The following PSME4 variants were observed in gnomAD, a reference collection of about 807,000 sequenced individuals.
PSME4 encodes proteasome activator subunit 4, also known as proteasome activator complex subunit 4.
A neutral mutation model predicts 253.9 loss-of-function variants in PSME4; 89 were observed. The ratio of observed to expected loss-of-function variants is 0.35; its 90% CI spans 0.30 to 0.42. PSME4 has a LOEUF of 0.42. Ranked by LOEUF, PSME4 falls within the 10% of genes least tolerant of loss-of-function variation. The pLI, the probability that PSME4 is intolerant of heterozygous loss-of-function variation, is 1.00. For missense variants in PSME4, 2,014 were observed against 2,195.2 expected (o/e 0.92, Z 1.65); for synonymous variants, 851 against 759.2 (o/e 1.12, Z -1.99).
rs1338062052 is a variant in PSME4, at chr2:53,864,997, G to C, written c.*581C>G. 6.6e-6 allele frequency: 1 copy of C among 152,592 alleles called. No individual in the cohort carries two copies. Among genetic ancestry groups the C allele is most frequent in the African/African-American group, 2.4e-5 (1 of 41,446 alleles). The allele number at this position is 152,592 out of a possible 1,614,324, so 9.5% of individuals were successfully genotyped here. ...CCAAAAACTCCAGTCTGTGGGAAGTGCACAGACACAGACTTCACTTCTGTG... is the reference window on the plus strand; with the variant it reads ...CCAAAAACTCCAGTCTGTGGGAAGTCCACAGACACAGACTTCACTTCTGTG... On this transcript the variant is annotated 3_prime_UTR_variant, in exon 47 of 47. Coordinates refer to ENST00000404125, the MANE Select transcript of PSME4 (RefSeq NM_014614.3).
At chr2:53,888,426 G>T (rs1181881889) in intron 38 of PSME4, 5 of 298,842 alleles carry the variant, frequency 1.7e-5, no homozygotes, top group African/African-American at 1.1e-4. Context: ...AAAATAAGAT[G>T]TGATGAAGAC....
At position 53,892,808 on chromosome 2, in the gene PSME4, C is replaced by T. The variant is rs760440011; in HGVS notation, c.4191G>A (p.Lys1397=). ...TTCTGTACAAATATTAATACATCAC[C>T]TTTTCAAATGTCCAGTGCTTAGAAC... ...IRGSKHWTFE[K]VEKLWELLCP... Residue 1397 remains lysine, a splice_region_variant and synonymous_variant, in exon 36 of 47, where the codon AAG becomes AAA. Transcript: ENST00000404125. 3.7e-6 allele frequency: 6 copies of T among 1,608,506 alleles called. No individual in the cohort carries two copies. In the Admixed American group the frequency reaches 6.8e-5, roughly 18 times the overall value.
chr2:53,891,274 C>A (rs1679893310), intron 36 of PSME4, among the ~76,000 whole-genome samples: 1 of 152,152 alleles, frequency 6.6e-6, no homozygotes, highest in Non-Finnish European at 1.5e-5. Flanking sequence ...ACTGCATTTA[C>A]ACACATAGAT....
chr2:53,954,849 T>A (rs1203495744), intron 1 of PSME4, among the ~76,000 whole-genome samples: 3 of 149,844 alleles, frequency 2.0e-5, no homozygotes, highest in African/African-American at 7.4e-5. Flanking sequence ...AAAAAAAAAA[T>A]AACAATAATA....
At chr2:53,965,515 G>A (rs1299985992) in intron 1 of PSME4, among the ~76,000 whole-genome samples, 2 of 149,214 alleles carry the variant, frequency 1.3e-5, no homozygotes, top group Admixed American at 6.7e-5. Flanking sequence ...CACACCCAGC[G>A]CATCCAAGTG....
intron 27 of PSME4, among the ~76,000 whole-genome samples, chr2:53,902,335 T>C (rs1307677127): frequency 6.6e-6 from 1 of 152,180 alleles, no homozygotes; most frequent in Non-Finnish European, 1.5e-5. Context: ...AAAAGTCCAA[T>C]TAACCACAAT....
chr2:53,878,193 T>A (rs374770466), intron 41 of PSME4, among the ~76,000 whole-genome samples: 4 of 152,210 alleles, frequency 2.6e-5, no homozygotes, highest in African/African-American at 9.7e-5. Context: ...CCCAAATTAA[T>A]ACTTTTATAA....
chr2:53,958,058 C>T (rs949230448), intron 1 of PSME4, among the ~76,000 whole-genome samples: 6 of 151,906 alleles, frequency 3.9e-5, no homozygotes, highest in East Asian at 3.9e-4. Context: ...TGGTGGCACA[C>T]GCCTGTAGTC....
chr2:53,934,504 A>G, intron 8 of PSME4, 101 bp downstream of exon 8: 1 of 1,231,902 alleles, frequency 8.1e-7, no homozygotes, highest in South Asian at 1.7e-5. Context: ...CAAGTCACCA[A>G]CCAAGCCACT....
intron 9 of PSME4, 140 bp from the exon 10 acceptor site, chr2:53,932,240 C>CTTTTA: frequency 1.4e-6 from 1 of 701,424 alleles, no homozygotes; most frequent in Non-Finnish European, 2.3e-6. Flanking sequence ...CACAGCATAA[C>CTTTTA]TAGATAGAAT....
At chr2:53,903,885 T>C in intron 27 of PSME4, 140 bp downstream of exon 27, 1 of 659,302 alleles carries the variant, frequency 1.5e-6, no homozygotes, top group Non-Finnish European at 2.5e-6. Context: ...AAAGAACAGA[T>C]ATGCGATAAA....
Position 53,865,150 on chromosome 2 carries a change from C to G in PSME4, c.*428G>C, listed in dbSNP as rs535286607. 9.2e-5 allele frequency: 14 copies of G among 152,746 alleles called. No individual in the cohort carries two copies. Among genetic ancestry groups the G allele is most frequent in the African/African-American group, 3.1e-4 (13 of 41,554 alleles). The allele number at this position is 152,746 out of a possible 1,614,324, so 9.5% of individuals were successfully genotyped here. ...ATTTATGGCCCACAGCCCCTATTACCACCTAAATCCAGCAGCCATTTGGGA... is the reference window on the plus strand; with the variant it reads ...ATTTATGGCCCACAGCCCCTATTACGACCTAAATCCAGCAGCCATTTGGGA... On this transcript the variant is annotated 3_prime_UTR_variant, in exon 47 of 47. Coordinates refer to ENST00000404125, the MANE Select transcript of PSME4 (RefSeq NM_014614.3).
intron 35 of PSME4, among the ~76,000 whole-genome samples, 200 bp from the exon 36 acceptor site, chr2:53,893,160 A>G (rs1253485002): frequency 6.6e-6 from 1 of 152,202 alleles, no homozygotes; most frequent in Non-Finnish European, 1.5e-5. Context: ...TAACCAATGA[A>G]ACAAACATTA....
intron 1 of PSME4, among the ~76,000 whole-genome samples, chr2:53,967,447 G>C (rs909360915): frequency 4.0e-5 from 6 of 151,736 alleles, no homozygotes; most frequent in African/African-American, 1.5e-4. Context: ...TTCGAGACCA[G>C]CCTTGCCAAA....
At chr2:53,952,262 A>T (rs1197026514) in intron 1 of PSME4, among the ~76,000 whole-genome samples, 1 of 151,750 alleles carries the variant, frequency 6.6e-6, no homozygotes, top group Admixed American at 6.6e-5. Context: ...AATATGGTGA[A>T]ACTTTGTCTC....
intron 34 of PSME4, among the ~76,000 whole-genome samples, chr2:53,894,200 C>T (rs1680038637): frequency 6.6e-6 from 1 of 152,154 alleles, no homozygotes; most frequent in African/African-American, 2.4e-5. Flanking sequence ...TGTTCAGAAT[C>T]AGAAAAAGTT....
intron 35 of PSME4, among the ~76,000 whole-genome samples, 164 bp downstream of exon 35, chr2:53,893,510 T>TAAAC (rs1680005599): frequency 6.6e-6 from 1 of 152,194 alleles, no homozygotes. Flanking sequence ...ATGTCTTGTT[T>TAAAC]AGGGAATAAC....
intron 37 of PSME4, among the ~76,000 whole-genome samples, chr2:53,889,094 GC>G (rs1364989995): frequency 6.6e-6 from 1 of 152,064 alleles, no homozygotes; most frequent in Admixed American, 6.5e-5. Context: ...CCAACTCCTG[GC>G]CCCAAGCTAT....
At position 53,965,763 on chromosome 2, in the gene PSME4, G is replaced by A. The variant is rs546646714; in HGVS notation, c.242+4780C>T. On this transcript the variant is annotated intron_variant, in intron 1 of 46. Transcript: ENST00000404125. ...TCACTGCAGCCAGCCTCTGCCTTCC[G>A]GGTTCAAGCAATTCTTCTGCCTCAG... Among the ~76,000 whole-genome samples the A allele has an allele frequency of 3.7e-4, 56 of 151,228 alleles. 1 individual carries two copies. In the South Asian group the frequency reaches 0.011, roughly 30 times the overall value.
Sources: allele counts gnomAD v4.1 joint callset (sites outside exome capture counted in the v4.1 genomes callset), GRCh38; gene constraint gnomAD v4.1.1; transcripts MANE v1.5; gene names NCBI Gene and HGNC (gene_info 2026-07-23, HGNC 2026-07-21).